The following POU6F2 variants were observed in gnomAD, a reference collection of about 807,000 sequenced individuals.
POU6F2 encodes the protein POU domain, class 6, transcription factor 2.
POU6F2 carries 31 observed loss-of-function variants against 71.3 expected under a neutral mutation model. The ratio of observed to expected loss-of-function variants is 0.43; its 90% CI spans 0.33 to 0.59. The LOEUF is 0.59. Ranked by LOEUF, POU6F2 falls within the 20% of genes least tolerant of loss-of-function variation. The probability of loss-of-function intolerance (pLI) is 0.04; values close to 1 mark genes in which losing one functional copy is unlikely to be tolerated. For missense variants in POU6F2, 783 were observed against 856.8 expected (o/e 0.91, Z 1.07); for synonymous variants, 347 against 355.7 (o/e 0.98, Z 0.27).
At chr7:39,232,778 C>A (rs1484813631) in intron 4 of POU6F2, among the ~76,000 whole-genome samples, 1 of 152,090 alleles carries the variant, frequency 6.6e-6, no homozygotes, top group Admixed American at 6.6e-5. Flanking sequence ...TAGTTATGGC[C>A]CATGTCGTTT....
chr7:39,143,658 G>A (rs1322879623), intron 2 of POU6F2, among the ~76,000 whole-genome samples: 2 of 152,162 alleles, frequency 1.3e-5, no homozygotes, highest in African/African-American at 4.8e-5. Context: ...CCAGAGCTGA[G>A]GTTTTTGTAT....
chr7:39,054,809 A>G (rs1790475150), intron 1 of POU6F2, among the ~76,000 whole-genome samples: 1 of 151,910 alleles, frequency 6.6e-6, no homozygotes, highest in Non-Finnish European at 1.5e-5. Flanking sequence ...CAAGCAAACA[A>G]ACAAAAAACC....
chr7:39,040,755 T>C (rs947755432), intron 1 of POU6F2, among the ~76,000 whole-genome samples: 3 of 151,926 alleles, frequency 2.0e-5, no homozygotes, highest in Non-Finnish European at 4.4e-5. Flanking sequence ...GCAATAATCT[T>C]CAATGAAACA....
At chr7:39,009,801 C>T (rs577982055) in intron 1 of POU6F2, among the ~76,000 whole-genome samples, 27 of 150,392 alleles carry the variant, frequency 1.8e-4, no homozygotes, top group Admixed American at 4.0e-4. Flanking sequence ...TTGTCTTTGG[C>T]TCTGTTTATA....
chr7:39,349,815 C>G (rs1378969775), intron 5 of POU6F2, among the ~76,000 whole-genome samples: 1 of 152,188 alleles, frequency 6.6e-6, no homozygotes, highest in Non-Finnish European at 1.5e-5. Context: ...GGCATTCTGG[C>G]TGAAAACACC....
At chr7:39,194,906 T>C (rs1175971073) in intron 2 of POU6F2, among the ~76,000 whole-genome samples, 1 of 152,146 alleles carries the variant, frequency 6.6e-6, no homozygotes, top group African/African-American at 2.4e-5. Flanking sequence ...GCTTCACTTC[T>C]GAAGCCGGCG....
rs575056838 is a variant in POU6F2 at position 39,306,530 on chromosome 7, A to G, written c.599-33112A>G. Among the ~76,000 whole-genome samples, 36 of 152,272 alleles carry G rather than the reference A, an allele frequency of 2.4e-4. No individual in the cohort carries two copies. In the South Asian group the frequency reaches 7.1e-3, roughly 30 times the overall value. The stretch of plus-strand genomic sequence containing the variant: ...CCATCCTACCACTATTACATCACTA[A>G]CAAGGTGCCAGTTGGGGCTCTTCTG... On this transcript the variant is annotated intron_variant, in intron 4 of 9. Coordinates refer to ENST00000518318, the MANE Select transcript of POU6F2 (RefSeq NM_001370959.1).
chr7:39,072,622 C>A (rs1790906690), intron 1 of POU6F2, among the ~76,000 whole-genome samples: 2 of 152,204 alleles, frequency 1.3e-5, no homozygotes, highest in Admixed American at 1.3e-4. Flanking sequence ...TTTACAAATA[C>A]GCAGGGAGAA....
intron 1 of POU6F2, among the ~76,000 whole-genome samples, chr7:39,084,756 T>C (rs1402321771): frequency 6.6e-6 from 1 of 152,142 alleles, no homozygotes; most frequent in Non-Finnish European, 1.5e-5. Flanking sequence ...AATGCAATGG[T>C]GGGACCCGGG....
At chr7:39,036,554 ATT>A (rs1040212496) in intron 1 of POU6F2, among the ~76,000 whole-genome samples, 2 of 152,072 alleles carry the variant, frequency 1.3e-5, no homozygotes, top group African/African-American at 2.4e-5. Flanking sequence ...GACATATGCC[ATT>A]TAAAAATAAG....
chr7:39,212,594 C>T (rs1794162050), intron 4 of POU6F2, among the ~76,000 whole-genome samples: 1 of 152,218 alleles, frequency 6.6e-6, no homozygotes, highest in Admixed American at 6.5e-5. Flanking sequence ...TCTCTCCATC[C>T]CTGCGTCCTT....
At chr7:39,112,193 A>C (rs988438360) in intron 2 of POU6F2, among the ~76,000 whole-genome samples, 1 of 152,190 alleles carries the variant, frequency 6.6e-6, no homozygotes, top group Non-Finnish European at 1.5e-5. Flanking sequence ...TGCACAGTTG[A>C]AAACTGGCTG....
At chr7:39,454,716 ATATATATAT>A (rs1788757204) in intron 8 of POU6F2, among the ~76,000 whole-genome samples, 3 of 80,624 alleles carry the variant, frequency 3.7e-5, no homozygotes, top group African/African-American at 5.3e-5. Context: ...ATATATATAT[ATATATATAT>A]ATAAAATAAG....
chr7:39,383,063 A>G (rs1467587696), intron 5 of POU6F2, among the ~76,000 whole-genome samples: 1 of 152,224 alleles, frequency 6.6e-6, no homozygotes, highest in Non-Finnish European at 1.5e-5. Flanking sequence ...TGTTATTAAT[A>G]TGCGCATTGC....
At chr7:39,042,114 A>C (rs1317323276) in intron 1 of POU6F2, among the ~76,000 whole-genome samples, 1 of 151,954 alleles carries the variant, frequency 6.6e-6, no homozygotes, top group Non-Finnish European at 1.5e-5. Context: ...CTACATTTTT[A>C]TAGAGGTTCC....
chr7:39,113,271 A>C (rs1230347671), intron 2 of POU6F2, among the ~76,000 whole-genome samples: 1 of 152,080 alleles, frequency 6.6e-6, no homozygotes, highest in African/African-American at 2.4e-5. Context: ...AAAGAGAAAT[A>C]CTCTAAGTTA....
chr7:39,207,681 T>A (rs1007271194), intron 4 of POU6F2, 61 bp downstream of exon 4: 14 of 1,462,814 alleles, frequency 9.6e-6, no homozygotes, highest in Non-Finnish European at 1.3e-5. Flanking sequence ...TTCTCTGAAG[T>A]GGGCAAAAAA....
intron 7 of POU6F2, among the ~76,000 whole-genome samples, chr7:39,435,400 T>C (rs1321695078): frequency 6.6e-6 from 1 of 152,106 alleles, no homozygotes; most frequent in Non-Finnish European, 1.5e-5. Flanking sequence ...TTGAGCTTTT[T>C]TTCATATGTT....
At chr7:39,427,567 G>GT (rs1787999949) in intron 6 of POU6F2, among the ~76,000 whole-genome samples, 2 of 152,144 alleles carry the variant, frequency 1.3e-5, no homozygotes, top group Non-Finnish European at 2.9e-5. Flanking sequence ...TTGTCTGTGA[G>GT]TGTGTTTCTA....
Sources: allele counts gnomAD v4.1 joint callset (sites outside exome capture counted in the v4.1 genomes callset), GRCh38; gene constraint gnomAD v4.1.1; transcripts MANE v1.5; gene names NCBI Gene and HGNC (gene_info 2026-07-23, HGNC 2026-07-21).